The following B4GALT1 variants were observed in gnomAD, a reference collection of about 807,000 sequenced individuals.
B4GALT1 encodes N-acetyllactosamine synthase.
A neutral mutation model predicts 34.9 loss-of-function variants in B4GALT1; 16 were observed. The ratio of observed to expected loss-of-function variants is 0.46; its 90% CI spans 0.31 to 0.70. The LOEUF is 0.70. B4GALT1 is among the 30% of genes least tolerant of loss of function. The pLI is 0.05. For synonymous variants in B4GALT1, 221 were observed against 218.1 expected (o/e 1.01, Z -0.12); for missense variants, 445 against 530.5 (o/e 0.84, Z 1.58).
chr9:33,164,502 T>C (rs1475612180), intron 1 of B4GALT1, among the ~76,000 whole-genome samples: 3 of 152,192 alleles, frequency 2.0e-5, no homozygotes, highest in Non-Finnish European at 2.9e-5. Flanking sequence ...GCATGTCACA[T>C]GAAAGCAGCC....
At chr9:33,122,180 C>G (rs1374017118) in intron 2 of B4GALT1, among the ~76,000 whole-genome samples, 3 of 152,188 alleles carry the variant, frequency 2.0e-5, no homozygotes, top group Non-Finnish European at 4.4e-5. Context: ...GACTGGTACA[C>G]AATCTCAAAA....
chr9:33,179,953 G>T, the B4GALT1 span: 1 of 152,260 alleles, frequency 6.6e-6, no homozygotes, highest in Non-Finnish European at 1.5e-5. Context: ...TTTGTTCCTT[G>T]GAGCCAGAGA....
intron 1 of B4GALT1, among the ~76,000 whole-genome samples, chr9:33,154,757 G>A (rs927257900): frequency 6.6e-5 from 10 of 152,162 alleles, no homozygotes; most frequent in East Asian, 1.9e-4. Flanking sequence ...ATGTCCAACC[G>A]ATGGCCCATG....
At chr9:33,173,662 A>G in the B4GALT1 span, among the ~76,000 whole-genome samples, 1 of 150,418 alleles carries the variant, frequency 6.6e-6, no homozygotes, top group Non-Finnish European at 1.5e-5. Flanking sequence ...TCCCAAGGCC[A>G]TGAGCACATC....
downstream of B4GALT1, among the ~76,000 whole-genome samples, chr9:33,109,908 T>G (rs1839834612): frequency 1.3e-5 from 2 of 152,216 alleles, no homozygotes; most frequent in South Asian, 4.1e-4. Context: ...GGTTTTTTTT[T>G]GTTTGTTTTT....
chr9:33,171,711 C>T (rs976728293), upstream of B4GALT1, among the ~76,000 whole-genome samples: 4 of 152,102 alleles, frequency 2.6e-5, no homozygotes, highest in African/African-American at 9.7e-5. Context: ...TGCGCCTCCA[C>T]GTCCAGCTAA....
At chr9:33,104,849 A>G (rs1839782840) in intron 2 of B4GALT1, 1 of 432,216 alleles carries the variant, frequency 2.3e-6, no homozygotes, top group African/African-American at 2.1e-5. Context: ...AGACAGTCTC[A>G]CTCTGTTGCC....
chr9:33,108,447 T>TAAAAA (rs60251768), downstream of B4GALT1, among the ~76,000 whole-genome samples: 1 of 142,224 alleles, frequency 7.0e-6, no homozygotes, highest in African/African-American at 2.6e-5. Flanking sequence ...ACTCTGTCTC[T>TAAAAA]AAAAAAAAAA....
At chr9:33,147,531 GCCC>G (rs59286403) in intron 1 of B4GALT1, among the ~76,000 whole-genome samples, 29,476 of 151,986 alleles carry the variant, frequency 0.19, 3,167 homozygotes, top group East Asian at 0.49. Flanking sequence ...ACAGGCATGA[GCCC>G]CCATGCCCGG....
At chr9:33,143,336 A>T (rs1237085590) in intron 1 of B4GALT1, among the ~76,000 whole-genome samples, 1 of 152,154 alleles carries the variant, frequency 6.6e-6, no homozygotes, top group Non-Finnish European at 1.5e-5. Context: ...CTTCTAAAAC[A>T]TGACTTAAAA....
At chr9:33,147,270 T>C (rs1385324754) in intron 1 of B4GALT1, among the ~76,000 whole-genome samples, 1 of 145,620 alleles carries the variant, frequency 6.9e-6, no homozygotes, top group Non-Finnish European at 1.5e-5. Context: ...TTTTTCCCCC[T>C]GAGATGGAGT....
At chr9:33,165,647 T>C (rs907148066) in intron 1 of B4GALT1, among the ~76,000 whole-genome samples, 4 of 152,188 alleles carry the variant, frequency 2.6e-5, no homozygotes, top group African/African-American at 9.7e-5. Context: ...AAACTCCTAT[T>C]GGCAGGATGT....
At chr9:33,183,601 A>G in the B4GALT1 span, among the ~76,000 whole-genome samples, 1 of 123,648 alleles carries the variant, frequency 8.1e-6, no homozygotes, top group African/African-American at 3.1e-5. Context: ...ACATGGATAC[A>G]GGAAGGGGAA....
upstream of B4GALT1, among the ~76,000 whole-genome samples, chr9:33,169,481 G>A (rs1206692350): frequency 6.6e-6 from 1 of 151,140 alleles, no homozygotes; most frequent in Admixed American, 6.6e-5. Context: ...ACCTTATGCA[G>A]AATGGCCTCC....
chr9:33,119,330 G>A (rs909181187), intron 3 of B4GALT1, among the ~76,000 whole-genome samples: 1 of 152,220 alleles, frequency 6.6e-6, no homozygotes, highest in East Asian at 1.9e-4. Context: ...ATCTGGGCTG[G>A]CCACTTCACT....
chr9:33,126,110 C>A (rs1023937010), intron 2 of B4GALT1, among the ~76,000 whole-genome samples: 1 of 152,190 alleles, frequency 6.6e-6, no homozygotes, highest in Non-Finnish European at 1.5e-5. Context: ...ACTAAGCTCT[C>A]AACAGGACAG....
intron 2 of B4GALT1, 45 bp from the exon 3 acceptor site, chr9:33,120,651 T>C (rs760008202): frequency 1.9e-6 from 3 of 1,600,766 alleles, no homozygotes; most frequent in Non-Finnish European, 2.6e-6. Flanking sequence ...CTTAAAGCCT[T>C]TGGGCCAAAC....
chr9:33,125,224 T>C (rs1587732299), intron 2 of B4GALT1, among the ~76,000 whole-genome samples: 1 of 152,054 alleles, frequency 6.6e-6, no homozygotes, highest in East Asian at 1.9e-4. Context: ...AGAAGGCATC[T>C]GTAGGAGCAG....
downstream of B4GALT1, among the ~76,000 whole-genome samples, chr9:33,107,682 T>C (rs901918173): frequency 7.2e-5 from 11 of 152,206 alleles, no homozygotes; most frequent in Non-Finnish European, 4.4e-5. Flanking sequence ...TTCTGGGTCC[T>C]GTATGAGACT....
Sources: allele counts gnomAD v4.1 joint callset (sites outside exome capture counted in the v4.1 genomes callset), GRCh38; gene constraint gnomAD v4.1.1; transcripts MANE v1.5; gene names NCBI Gene and HGNC (gene_info 2026-07-23, HGNC 2026-07-21).